The following NUP35 variants were observed in gnomAD, a reference collection of about 807,000 sequenced individuals.
The protein encoded by NUP35 is nucleoporin NUP35.
Under a neutral mutation model 41.5 loss-of-function variants are expected in NUP35, and 25 were observed. That is an observed-to-expected ratio of 0.60 (90% CI 0.44 to 0.84). NUP35 has a LOEUF of 0.84. Among genes scored for constraint, NUP35 ranks in the 40% least tolerant of loss-of-function variants. The pLI is 0.00. For synonymous variants in NUP35, 149 were observed against 130.7 expected, an observed-to-expected ratio of 1.14 and a Z score of -0.96; for missense variants, 396 against 396.6, an observed-to-expected ratio of 1.00 and a Z score of 0.01.
chr2:183,128,695 C>T lies in NUP35; in HGVS notation c.211+238C>T, dbSNP rs529192774. Among the ~76,000 whole-genome samples, 40 of 151,890 alleles carry T rather than the reference C, an allele frequency of 2.6e-4. No individual in the cohort carries two copies. The South Asian group carries it at 4.0e-3, about 15-fold the overall frequency. The stretch of plus-strand genomic sequence containing the variant: ...ATTCAAAGCCATCCTGGGCTTCATG[C>T]GGTGTTCAAGCCATGGGTGGGACAA... On this transcript the variant is annotated intron_variant, in intron 2 of 8. Transcript: ENST00000295119.
intron 1 of NUP35, among the ~76,000 whole-genome samples, chr2:183,126,211 T>A (rs1274712556): frequency 6.6e-6 from 1 of 152,166 alleles, no homozygotes; most frequent in Non-Finnish European, 1.5e-5. Context: ...ATTGTATTTT[T>A]GGTAGAGACA....
chr2:183,154,360 T>C (rs558292297), intron 5 of NUP35, among the ~76,000 whole-genome samples: 1 of 152,346 alleles, frequency 6.6e-6, no homozygotes, highest in Non-Finnish European at 1.5e-5. Context: ...GGCTGCAAAT[T>C]TTCTGAACTT....
intron 4 of NUP35, among the ~76,000 whole-genome samples, chr2:183,134,399 G>T (rs2705727): frequency 8.3e-4 from 126 of 152,016 alleles, no homozygotes; most frequent in African/African-American, 2.5e-3. Context: ...AGCAGCAAAG[G>T]GGGGGAGGGG....
chr2:183,159,361 G>T (rs1685784788), intron 7 of NUP35, 127 bp from the exon 8 acceptor site: 1 of 742,846 alleles, frequency 1.3e-6, no homozygotes, highest in Non-Finnish European at 2.0e-6. Flanking sequence ...AAAATTATTT[G>T]CAAGTTTAAT....
chr2:183,156,299 G>C (rs187280363), intron 5 of NUP35, among the ~76,000 whole-genome samples: 13 of 152,162 alleles, frequency 8.5e-5, no homozygotes, highest in Admixed American at 1.3e-4. Flanking sequence ...TGAATTTTCA[G>C]TTCTGATTGC....
At chr2:183,145,838 C>G (rs1031401762) in intron 4 of NUP35, among the ~76,000 whole-genome samples, 3 of 152,080 alleles carry the variant, frequency 2.0e-5, no homozygotes, top group Admixed American at 6.6e-5. Context: ...CAAATGATAT[C>G]AAAACAAAAC....
intron 5 of NUP35, 44 bp from the exon 6 acceptor site, chr2:183,157,399 TG>T: frequency 7.4e-7 from 1 of 1,348,582 alleles, no homozygotes; most frequent in South Asian, 1.2e-5. Context: ...GCATTCACAT[TG>T]ATAGTAGAAG....
intron 4 of NUP35, among the ~76,000 whole-genome samples, chr2:183,144,228 T>C (rs1351703464): frequency 6.6e-6 from 1 of 152,236 alleles, no homozygotes; most frequent in Non-Finnish European, 1.5e-5. Flanking sequence ...CCAGCGTCAA[T>C]GTATGGCAAT....
intron 1 of NUP35, among the ~76,000 whole-genome samples, chr2:183,127,103 T>G (rs964591794): frequency 7.2e-5 from 11 of 152,292 alleles, no homozygotes; most frequent in African/African-American, 2.6e-4. Flanking sequence ...CCATAGCCCA[T>G]TGTTTTCCTT....
upstream of NUP35, among the ~76,000 whole-genome samples, chr2:183,121,212 A>T (rs1253325583): frequency 6.6e-6 from 1 of 152,224 alleles, no homozygotes; most frequent in Non-Finnish European, 1.5e-5. Flanking sequence ...ATTAGAAAAA[A>T]AAAATAGTTG....
intron 3 of NUP35, chr2:183,131,028 C>T (rs1201179455): frequency 6.1e-6 from 4 of 652,606 alleles, no homozygotes; most frequent in South Asian, 4.6e-5. Flanking sequence ...GTTGCCCAGG[C>T]TAGAGTGCAG....
chr2:183,137,925 T>C (rs1684938193), intron 4 of NUP35, among the ~76,000 whole-genome samples: 1 of 152,164 alleles, frequency 6.6e-6, no homozygotes, highest in Non-Finnish European at 1.5e-5. Context: ...TGTTAATAAA[T>C]ATCTTTTTGT....
chr2:183,141,900 T>C (rs1685109310), intron 4 of NUP35, among the ~76,000 whole-genome samples: 2 of 152,354 alleles, frequency 1.3e-5, no homozygotes, highest in South Asian at 2.1e-4. Context: ...TCCCTCTTTA[T>C]GTCCTGATTT....
upstream of NUP35, chr2:183,120,019 T>G (rs76304055): frequency 2.6e-5 from 1 of 38,202 alleles, no homozygotes; most frequent in East Asian, 0.014. Context: ...ACAATGTATA[T>G]AGTATAATGA....
At chr2:183,124,301 A>C, upstream of NUP35, 1 of 1,493,840 alleles carries the variant, frequency 6.7e-7, no homozygotes, top group Non-Finnish European at 8.9e-7. Context: ...ACTTTGCCCT[A>C]TTCCAAAATG....
chr2:183,130,517 G>T lies in NUP35; in HGVS notation c.311G>T (p.Gly104Val), dbSNP rs1049358381. ...GATGACATTTCTAGCCCAGGACTTGGATCAACACCTTTAACTTCAAGAAGA... is the reference window on the plus strand; with the variant it reads ...GATGACATTTCTAGCCCAGGACTTGTATCAACACCTTTAACTTCAAGAAGA... Reference protein sequence around the residue: ...IYDDISSPGLGSTPLTSRRQP... With the variant: ...IYDDISSPGLVSTPLTSRRQP... Residue 104 changes from glycine (G) to valine (V), a missense_variant, in exon 3 of 9, where the codon GGA (glycine) becomes GTA (valine). By Grantham distance (109) the Gly-to-Val change is moderately radical. Transcript: ENST00000295119. The T allele has an allele frequency of 1.1e-5, 17 of 1,613,198 alleles. No homozygotes were observed. The highest frequency in any genetic ancestry group is 3.3e-5 in the Admixed American group (2 of 59,870).
intron 1 of NUP35, among the ~76,000 whole-genome samples, chr2:183,126,671 A>G (rs930846119): frequency 4.1e-5 from 6 of 147,288 alleles, no homozygotes; most frequent in Non-Finnish European, 6.0e-5. Flanking sequence ...ATACACTTGT[A>G]TTGTTAATAT....
intron 4 of NUP35, among the ~76,000 whole-genome samples, chr2:183,143,236 C>CT (rs1199994838): frequency 1.3e-5 from 2 of 150,206 alleles, no homozygotes; most frequent in Non-Finnish European, 3.0e-5. Context: ...TAATAGCAGT[C>CT]TTTTTTATTC....
At chr2:183,148,965 C>A (rs1160332497) in intron 4 of NUP35, among the ~76,000 whole-genome samples, 6 of 152,124 alleles carry the variant, frequency 3.9e-5, no homozygotes, top group Non-Finnish European at 7.4e-5. Context: ...AGTAGCTTTT[C>A]CCCCCACCTT....
Sources: gnomAD v4.1 joint callset for allele counts (sites outside exome capture counted in the v4.1 genomes callset) on GRCh38, gnomAD v4.1.1 for gene constraint, MANE v1.5 for transcripts, NCBI Gene and HGNC (gene_info 2026-07-23, HGNC 2026-07-21) for gene names.